Variants in RNFT2 observed in about 807,000 individuals in gnomAD.
RNFT2 encodes the protein ring finger protein, transmembrane 2, also known as E3 ubiquitin-protein ligase RNFT2.
Under a neutral mutation model 53.0 loss-of-function variants are expected in RNFT2, and 36 were observed. That is an observed-to-expected ratio of 0.68 (90% CI 0.52 to 0.90). The LOEUF is 0.90. Among genes scored for constraint, RNFT2 ranks in the 40% least tolerant of loss-of-function variants. RNFT2 has a pLI of 0.00. For synonymous variants in RNFT2, 260 were observed against 253.2 expected, an observed-to-expected ratio of 1.03 and a Z score of -0.26; for missense variants, 514 against 585.6, an observed-to-expected ratio of 0.88 and a Z score of 1.26.
intron 6 of RNFT2, among the ~76,000 whole-genome samples, chr12:116,775,863 C>A (rs571346229): frequency 6.6e-6 from 1 of 152,034 alleles, no homozygotes; most frequent in Non-Finnish European, 1.5e-5. Flanking sequence ...GCCAACATGG[C>A]GAAACCCTGT....
intron 5 of RNFT2, among the ~76,000 whole-genome samples, chr12:116,760,503 C>T (rs1222767759): frequency 6.6e-6 from 1 of 152,202 alleles, no homozygotes; most frequent in Non-Finnish European, 1.5e-5. Context: ...CAGTGAGCTC[C>T]CAGGGCCTTG....
At chr12:116,810,988 G>A (rs1311566519) in intron 7 of RNFT2, among the ~76,000 whole-genome samples, 2 of 152,200 alleles carry the variant, frequency 1.3e-5, no homozygotes, top group South Asian at 2.1e-4. Context: ...AAAGAGCTTG[G>A]GCTCTGGAGT....
intron 10 of RNFT2, among the ~76,000 whole-genome samples, chr12:116,843,309 A>G (rs1372615601): frequency 2.6e-5 from 4 of 151,864 alleles, no homozygotes; most frequent in African/African-American, 9.7e-5. Context: ...CCTGGCCAAC[A>G]TAGCAAGACC....
chr12:116,773,701 G>A (rs983352775), intron 6 of RNFT2, among the ~76,000 whole-genome samples: 1 of 152,178 alleles, frequency 6.6e-6, no homozygotes, highest in Admixed American at 6.5e-5. Context: ...TGTAGAGGGT[G>A]TAAGGGTGAT....
chr12:116,846,360 C>G (rs1197797948), intron 10 of RNFT2, among the ~76,000 whole-genome samples: 1 of 151,724 alleles, frequency 6.6e-6, no homozygotes, highest in Non-Finnish European at 1.5e-5. Flanking sequence ...CAGCCTCAAC[C>G]TCCTGGGCTC....
chr12:116,845,395 C>T (rs1418148610), intron 10 of RNFT2, among the ~76,000 whole-genome samples: 3 of 151,650 alleles, frequency 2.0e-5, no homozygotes, highest in Admixed American at 6.6e-5. Flanking sequence ...GGAGAGAAGA[C>T]GCGATCAGTA....
intron 3 of RNFT2, among the ~76,000 whole-genome samples, chr12:116,747,744 C>T (rs1387009902): frequency 6.6e-6 from 1 of 152,102 alleles, no homozygotes; most frequent in Non-Finnish European, 1.5e-5. Context: ...TCTGGAGTCT[C>T]TTAGTGGTCT....
intron 7 of RNFT2, among the ~76,000 whole-genome samples, chr12:116,828,425 T>A (rs1876457768): frequency 1.3e-5 from 2 of 152,150 alleles, no homozygotes; most frequent in Non-Finnish European, 2.9e-5. Flanking sequence ...ACTTTGTTGA[T>A]CAGTTTCCCC....
intron 7 of RNFT2, among the ~76,000 whole-genome samples, chr12:116,799,662 A>G (rs1481573556): frequency 3.9e-5 from 6 of 152,198 alleles, no homozygotes; most frequent in Admixed American, 3.3e-4. Flanking sequence ...TCAGCTGGGC[A>G]CGATGGCTCA....
At chr12:116,763,364 C>G (rs1592944489) in intron 5 of RNFT2, among the ~76,000 whole-genome samples, 1 of 152,102 alleles carries the variant, frequency 6.6e-6, no homozygotes, top group East Asian at 1.9e-4. Flanking sequence ...ATCAAAAAAT[C>G]AAAAAATAAT....
chr12:116,738,523 A>C (rs1185126889), intron 1 of RNFT2, 153 bp downstream of exon 1: 3 of 152,194 alleles, frequency 2.0e-5, no homozygotes, highest in Non-Finnish European at 4.4e-5. Context: ...GCCGGCTTCC[A>C]GTCCAAGTGA....
chr12:116,820,027 A>T (rs2137179683), intron 7 of RNFT2, among the ~76,000 whole-genome samples: 1 of 152,282 alleles, frequency 6.6e-6, no homozygotes, highest in Middle Eastern at 3.4e-3. Flanking sequence ...GAGATATTTT[A>T]CCTTTTGTTG....
rs374732084 is a variant in RNFT2 at position 116,753,971 on chromosome 12, C to G, written c.551-13C>G. On this transcript the variant is annotated splice_polypyrimidine_tract_variant and intron_variant, in intron 4 of 10. Transcript: ENST00000257575. ...TCTAAGTGGGTGACATCAGGCCCTT[C>G]TCTGTCCCACAGGCATTGCTGTGTG... 7.0e-5 allele frequency: 113 copies of G among 1,613,272 alleles called. No homozygotes were observed. The highest frequency in any genetic ancestry group is 9.3e-5 in the Non-Finnish European group (110 of 1,179,364).
At position 116,852,022 on chromosome 12, in the gene RNFT2, C is replaced by T; in HGVS notation, c.*2574C>T. The T allele has an allele frequency of 7.6e-7, 1 of 1,311,810 alleles. No individual in the cohort carries two copies. Among genetic ancestry groups the T allele is most frequent in the Non-Finnish European group, 1.0e-6 (1 of 981,426 alleles). The allele number at this position is 1,311,810 out of a possible 1,614,324, so 81.3% of individuals were successfully genotyped here. Reference sequence around the variant, plus strand: ...TAGTGGCATGGAGCACCGTAACCATCTGTGCTTCTGTGATCTCTATGACAG... The same window carrying T: ...TAGTGGCATGGAGCACCGTAACCATTTGTGCTTCTGTGATCTCTATGACAG... On this transcript the variant is annotated 3_prime_UTR_variant, in exon 11 of 11. Transcript: ENST00000257575.
chr12:116,822,113 G>A (rs1006940688), intron 7 of RNFT2, among the ~76,000 whole-genome samples: 3 of 152,082 alleles, frequency 2.0e-5, no homozygotes, highest in African/African-American at 7.2e-5. Context: ...GGAGTTACAG[G>A]TGTGAGCCAC....
chr12:116,779,633 TGA>T (rs952108291), intron 7 of RNFT2, among the ~76,000 whole-genome samples: 4 of 152,088 alleles, frequency 2.6e-5, no homozygotes, highest in South Asian at 2.1e-4. Context: ...ACATTTCACC[TGA>T]GAGAGGAAAA....
chr12:116,766,719 T>A (rs1251411355), intron 5 of RNFT2, 95 bp from the exon 6 acceptor site: 1 of 934,394 alleles, frequency 1.1e-6, no homozygotes, highest in African/African-American at 1.6e-5. Flanking sequence ...CTTCAAAATG[T>A]TGACAAAGTG....
chr12:116,808,829 C>T (rs1049688573), intron 7 of RNFT2, among the ~76,000 whole-genome samples: 2 of 152,146 alleles, frequency 1.3e-5, no homozygotes, highest in African/African-American at 2.4e-5. Context: ...TTCTTGCTCC[C>T]CGTCCTGTGC....
chr12:116,841,798 T>A (rs192931515), intron 10 of RNFT2, among the ~76,000 whole-genome samples: 26 of 87,980 alleles, frequency 3.0e-4, no homozygotes, highest in African/African-American at 1.3e-3. Flanking sequence ...TATATAAATA[T>A]ATATATAAAT....
Sources: gnomAD v4.1 joint callset for allele counts (sites outside exome capture counted in the v4.1 genomes callset) on GRCh38, gnomAD v4.1.1 for gene constraint, MANE v1.5 for transcripts, NCBI Gene and HGNC (gene_info 2026-07-23, HGNC 2026-07-21) for gene names.